CFAP46: variants seen among roughly 807,000 people sequenced by gnomAD.
CFAP46 encodes cilia- and flagella-associated protein 46.
Under a neutral mutation model 325.7 loss-of-function variants are expected in CFAP46, and 245 were observed. The observed-to-expected ratio is 0.75, with a 90% CI of 0.68 to 0.84. CFAP46 has a LOEUF of 0.84. Ranked by LOEUF, CFAP46 falls within the 40% of genes least tolerant of loss-of-function variation. The pLI is 0.00. For synonymous variants in CFAP46, 1,523 were observed against 1,495.9 expected (o/e 1.02, Z -0.42); for missense variants, 3,346 against 3,543.0 (o/e 0.94, Z 1.41).
intron 35 of CFAP46, 115 bp from the exon 36 acceptor site, chr10:132,861,097 G>T: frequency 1.9e-6 from 2 of 1,048,112 alleles, no homozygotes; most frequent in Non-Finnish European, 2.8e-6. Context: ...ACAGACAGAC[G>T]CACCAGGTGA....
intron 6 of CFAP46, 108 bp from the exon 7 acceptor site, chr10:132,937,163 A>AG: frequency 1.6e-6 from 1 of 611,772 alleles, no homozygotes; most frequent in Admixed American, 3.6e-5. Context: ...CTAGCTTTTC[A>AG]GATACAACTT....
Position 132,909,010 on chromosome 10 carries a change from G to A in CFAP46, c.2757+127C>T, listed in dbSNP as rs571514743. On this transcript the variant is annotated intron_variant, in intron 21 of 57. Coordinates refer to ENST00000368586, the MANE Select transcript of CFAP46 (RefSeq NM_001200049.3). Reference sequence around the variant, plus strand: ...AGGGGGCGCAGCTCCGTTGGGAGGTGGGGGAGAGCGGGGCAGAGTGGGGGT... The same window carrying A: ...AGGGGGCGCAGCTCCGTTGGGAGGTAGGGGAGAGCGGGGCAGAGTGGGGGT... The A allele has an allele frequency of 2.8e-5, 19 of 667,148 alleles. No individual in the cohort carries two copies. In the African/African-American group the frequency reaches 2.9e-4, roughly 10 times the overall value. The allele number at this position is 667,148 out of a possible 1,614,324, so 41.3% of individuals were successfully genotyped here.
At chr10:132,846,015 C>T in intron 44 of CFAP46, 42 bp downstream of exon 44, 1 of 1,574,798 alleles carries the variant, frequency 6.4e-7, no homozygotes, top group Non-Finnish European at 8.6e-7. Context: ...CCACAGAGCT[C>T]CAGAGCTGGG....
chr10:132,913,354 AGGGCAAGAAG>A, intron 17 of CFAP46, 96 bp from the exon 18 acceptor site: 1 of 406,174 alleles, frequency 2.5e-6, no homozygotes, highest in African/African-American at 2.2e-5. Context: ...ACCAGGCTGC[AGGGCAAGAAG>A]TGGGAGGGGC....
In CFAP46 at chr10:132,814,621, C is replaced by G. The variant is rs375523254; in HGVS notation, c.7250-9G>C. 6.3e-7 allele frequency: 1 copy of G among 1,577,444 alleles called. No individual in the cohort carries two copies. Among genetic ancestry groups the G allele is most frequent in the African/African-American group, 1.3e-5 (1 of 74,540 alleles). The stretch of plus-strand genomic sequence containing the variant: ...GTATGGGTCCACGACGACTGGGTCC[C>G]GGTCAAGGAGAAACGGGAGCACAGG... On this transcript the variant is annotated splice_polypyrimidine_tract_variant and intron_variant, in intron 52 of 57. Coordinates refer to ENST00000368586, the MANE Select transcript of CFAP46 (RefSeq NM_001200049.3).
At chr10:132,931,042 C>T (rs1849891475) in intron 8 of CFAP46, among the ~76,000 whole-genome samples, 1 of 123,606 alleles carries the variant, frequency 8.1e-6, no homozygotes, top group African/African-American at 3.2e-5. Context: ...CCTCCCCACA[C>T]TCCCCACACA....
At chr10:132,810,568 G>T in intron 56 of CFAP46, 79 bp from the exon 57 acceptor site, 1 of 1,275,784 alleles carries the variant, frequency 7.8e-7, no homozygotes, top group Non-Finnish European at 1.1e-6. Flanking sequence ...GGCCCGGGAT[G>T]CCAGGGGCCC....
chr10:132,887,073 C>A (rs1849143754), intron 25 of CFAP46, among the ~76,000 whole-genome samples: 1 of 149,680 alleles, frequency 6.7e-6, no homozygotes, highest in Non-Finnish European at 1.5e-5. Context: ...TCTCTCCTCT[C>A]CTCTCTCACT....
In CFAP46 at chr10:132,939,248, G is replaced by A. The variant is rs1231764842; in HGVS notation, c.372-495C>T. Reference sequence around the variant, plus strand: ...CAAGACAGTAGTAGAGGAAAAGAAGGTCAGGAAGATGGAGGAGAAGGGAGG... The same window carrying A: ...CAAGACAGTAGTAGAGGAAAAGAAGATCAGGAAGATGGAGGAGAAGGGAGG... On this transcript the variant is annotated intron_variant, in intron 4 of 57. Transcript: ENST00000368586. The surrounding 1 kb of genome is among the most constrained non-coding windows in gnomAD (Gnocchi z 4.6). 2.6e-5 allele frequency among the ~76,000 whole-genome samples: 4 copies of A among 152,216 alleles called. No individual in the cohort carries two copies. Among genetic ancestry groups the A allele is most frequent in the Non-Finnish European group, 5.9e-5 (4 of 68,032 alleles).
rs1445695796 is a variant in CFAP46 at position 132,919,480 on chromosome 10, G to A, written c.1731-38C>T. 6.6e-7 allele frequency: 1 copy of A among 1,522,850 alleles called. No individual in the cohort carries two copies. Among genetic ancestry groups the A allele is most frequent in the Non-Finnish European group, 8.8e-7 (1 of 1,132,444 alleles). The allele number at this position is 1,522,850 out of a possible 1,614,324, so 94.3% of individuals were successfully genotyped here. On this transcript the variant is annotated intron_variant, in intron 14 of 57. Coordinates refer to ENST00000368586, the MANE Select transcript of CFAP46 (RefSeq NM_001200049.3). The surrounding 1 kb of genome is among the most constrained non-coding windows in gnomAD (Gnocchi z 9.7). ...AACCCAAACGAGTGAAAGGTGAGTA[G>A]ACAAGTGTGGTTGCTGAAGTTAGAA...
intron 12 of CFAP46, 85 bp downstream of exon 12, chr10:132,922,395 C>G: frequency 1.4e-6 from 2 of 1,457,742 alleles, no homozygotes; most frequent in East Asian, 5.0e-5. Context: ...TGGGCGGCTC[C>G]CGCCCTGCTG....
Position 132,877,040 on chromosome 10 carries a change from G to C in CFAP46, c.4213-79C>G, listed in dbSNP as rs1848966352. The C allele has an allele frequency of 6.9e-7, 1 of 1,449,262 alleles. No individual in the cohort carries two copies. The highest frequency in any genetic ancestry group is 1.4e-5 in the African/African-American group (1 of 70,986). 89.8% of individuals were successfully genotyped at this position (1,449,262 alleles called of 1,614,324 possible). The stretch of plus-strand genomic sequence containing the variant: ...ACACCCCCGGCCCACCGGCATGGCT[G>C]TGCAGCATTCAGGCCACAGCCCTGG... On this transcript the variant is annotated intron_variant, in intron 30 of 57. Transcript: ENST00000368586. This position sits in a 1 kb window ranked among gnomAD's most constrained non-coding sequence, Gnocchi z 5.7.
At chr10:132,821,972 TGATGTGTGCTGTGTGTGC>T (rs1847851353) in intron 50 of CFAP46, among the ~76,000 whole-genome samples, 1 of 139,364 alleles carries the variant, frequency 7.2e-6, no homozygotes, top group Non-Finnish European at 1.5e-5. Context: ...GTGTGTGCGC[TGATGTGTGCTGTGTGTGC>T]GCTTGTGTGT....
chr10:132,814,026 T>C (rs1847637805), intron 54 of CFAP46, 126 bp downstream of exon 54: 1 of 697,078 alleles, frequency 1.4e-6, no homozygotes, highest in East Asian at 2.7e-5. Context: ...TGTCTCAGCA[T>C]TGCATGCTGT....
At chr10:132,922,788 C>G in intron 11 of CFAP46, 80 bp from the exon 12 acceptor site, 2 of 1,129,684 alleles carry the variant, frequency 1.8e-6, no homozygotes, top group Non-Finnish European at 2.5e-6. Context: ...CAGAGGAAGG[C>G]CTGCAGTGGC....
At chr10:132,909,770 A>G in intron 20 of CFAP46, 149 bp downstream of exon 20, 1 of 708,050 alleles carries the variant, frequency 1.4e-6, no homozygotes, top group South Asian at 2.7e-5. Flanking sequence ...AGCGGCGGTG[A>G]GCTCAGTGGG....
intron 17 of CFAP46, 75 bp downstream of exon 17, chr10:132,916,474 C>T (rs530882164): frequency 7.5e-5 from 108 of 1,444,382 alleles, no homozygotes; most frequent in African/African-American, 1.0e-4. Flanking sequence ...TCCCTCCCCA[C>T]GCCAGCCTGA....
Position 132,899,131 on chromosome 10 carries a change from G to A in CFAP46, c.3057-10C>T, listed in dbSNP as rs1050392451. The A allele has an allele frequency of 1.9e-6, 3 of 1,547,446 alleles. No homozygotes were observed. The highest frequency in any genetic ancestry group is 1.4e-5 in the African/African-American group (1 of 73,052). ...CGCGATGCCTCCGAACCTAAAAGAGGGCAGGTCATGACGCGGTGGCTCCAC... is the reference window on the plus strand; with the variant it reads ...CGCGATGCCTCCGAACCTAAAAGAGAGCAGGTCATGACGCGGTGGCTCCAC... On this transcript the variant is annotated splice_polypyrimidine_tract_variant and intron_variant, in intron 23 of 57. Coordinates refer to ENST00000368586, the MANE Select transcript of CFAP46 (RefSeq NM_001200049.3).
At chr10:132,813,026 C>A (rs1005040190) in intron 54 of CFAP46, 129 bp from the exon 55 acceptor site, 36 of 669,624 alleles carry the variant, frequency 5.4e-5, no homozygotes, top group Non-Finnish European at 7.7e-5. Flanking sequence ...ACTGAACTTT[C>A]TTTCATGTTC....
Sources: gnomAD v4.1 joint callset for allele counts (sites outside exome capture counted in the v4.1 genomes callset) on GRCh38, gnomAD v4.1.1 for gene constraint, Gnocchi (gnomAD v3.1) non-coding constraint, MANE v1.5 for transcripts, NCBI Gene and HGNC (gene_info 2026-07-23, HGNC 2026-07-21) for gene names.